The following ARHGAP22 variants were observed in gnomAD, a reference collection of about 807,000 sequenced individuals.
ARHGAP22 encodes the protein Rho GTPase activating protein 22.
A neutral mutation model predicts 59.1 loss-of-function variants in ARHGAP22; 48 were observed. The observed-to-expected ratio is 0.81, with a 90% CI of 0.64 to 1.03. The LOEUF is 1.03. ARHGAP22 is among the 50% of genes least tolerant of loss of function. The probability of loss-of-function intolerance (pLI) is 0.00; values close to 1 mark genes in which losing one functional copy is unlikely to be tolerated. For synonymous variants in ARHGAP22, 445 were observed against 416.4 expected, an observed-to-expected ratio of 1.07 and a Z score of -0.84; for missense variants, 1,015 against 958.7, an observed-to-expected ratio of 1.06 and a Z score of -0.78.
At chr10:48,485,241 C>T (rs923622416) in intron 3 of ARHGAP22, among the ~76,000 whole-genome samples, 1 of 152,046 alleles carries the variant, frequency 6.6e-6, no homozygotes, top group Non-Finnish European at 1.5e-5. Flanking sequence ...TTCCAGAGTT[C>T]AGTGCTATAA....
At chr10:48,582,640 T>G in intron 2 of ARHGAP22, 1 of 425,484 alleles carries the variant, frequency 2.4e-6, no homozygotes, top group Non-Finnish European at 4.3e-6. Flanking sequence ...TGTGCATGTA[T>G]GTCCTTCTTG....
At chr10:48,614,575 C>G (rs924932225) in intron 1 of ARHGAP22, among the ~76,000 whole-genome samples, 2 of 152,180 alleles carry the variant, frequency 1.3e-5, no homozygotes, top group African/African-American at 4.8e-5. Context: ...AATTCTGTCT[C>G]CTGTAGCAGC....
At chr10:48,624,545 C>G (rs183424052) in intron 1 of ARHGAP22, 2 of 152,296 alleles carry the variant, frequency 1.3e-5, no homozygotes, top group African/African-American at 4.8e-5. Flanking sequence ...GTTTTGGGCC[C>G]CATTTAAGCT....
At chr10:48,646,866 G>T (rs531226363) in intron 1 of ARHGAP22, among the ~76,000 whole-genome samples, 142 of 152,208 alleles carry the variant, frequency 9.3e-4, no homozygotes, top group African/African-American at 3.3e-3. Flanking sequence ...ATTCATAAAA[G>T]AAAAGATAGA....
At chr10:48,573,105 A>T (rs1223951357) in intron 2 of ARHGAP22, among the ~76,000 whole-genome samples, 1 of 152,180 alleles carries the variant, frequency 6.6e-6, no homozygotes, top group Non-Finnish European at 1.5e-5. Context: ...CAAACTGTTG[A>T]TCAAACTCAC....
intron 3 of ARHGAP22, chr10:48,493,290 G>T: frequency 2.2e-6 from 2 of 901,076 alleles, no homozygotes; most frequent in Non-Finnish European, 3.4e-6. Flanking sequence ...GAACCTCCCT[G>T]CTGTCCTCCC....
At chr10:48,579,102 A>AT (rs67283464) in intron 2 of ARHGAP22, among the ~76,000 whole-genome samples, 55,821 of 149,110 alleles carry the variant, frequency 0.37, 11,369 homozygotes, top group East Asian at 0.74. Context: ...CTTGTTTTTT[A>AT]TTTTTTTTTC....
chr10:48,473,614 A>G (rs1458814909), intron 4 of ARHGAP22, among the ~76,000 whole-genome samples: 9 of 152,186 alleles, frequency 5.9e-5, no homozygotes, highest in Admixed American at 5.9e-4. Context: ...TCTTATGACA[A>G]TCCTGCAAAA....
At chr10:48,501,854 T>C (rs934566485) in intron 3 of ARHGAP22, among the ~76,000 whole-genome samples, 31 of 152,250 alleles carry the variant, frequency 2.0e-4, no homozygotes, top group African/African-American at 6.7e-4. Context: ...TCTGCATGCC[T>C]ATTTCTGGAA....
chr10:48,632,060 C>T (rs965570034), intron 1 of ARHGAP22, among the ~76,000 whole-genome samples: 1 of 152,142 alleles, frequency 6.6e-6, no homozygotes, highest in Non-Finnish European at 1.5e-5. Flanking sequence ...GATTTCAGTG[C>T]ACCTGTCACT....
chr10:48,566,987 C>T (rs1412729334), intron 2 of ARHGAP22, among the ~76,000 whole-genome samples: 1 of 152,148 alleles, frequency 6.6e-6, no homozygotes, highest in Non-Finnish European at 1.5e-5. Context: ...AAGCTGGAAA[C>T]CCTGGTGGAG....
chr10:48,539,739 T>C (rs1294565704), intron 3 of ARHGAP22, among the ~76,000 whole-genome samples: 7 of 152,224 alleles, frequency 4.6e-5, no homozygotes, highest in Non-Finnish European at 1.5e-5. Flanking sequence ...TGATAATCAG[T>C]GTTGGTATTT....
At chr10:48,589,701 T>C (rs2059637846) in intron 1 of ARHGAP22, among the ~76,000 whole-genome samples, 1 of 152,204 alleles carries the variant, frequency 6.6e-6, no homozygotes, top group Non-Finnish European at 1.5e-5. Flanking sequence ...CTGCCTTCTT[T>C]TCATCTCCCC....
the ARHGAP22 span, chr10:48,435,052 GGA>G: frequency 1.6e-5 from 22 of 1,412,372 alleles, no homozygotes; most frequent in Non-Finnish European, 2.0e-5. Context: ...TCGGGGGGTG[GGA>G]GGGATGGGGA....
chr10:48,446,440 G>A lies in ARHGAP22; in HGVS notation c.2048C>T (p.Thr683Ile). The change falls in exon 10 of 10, where the codon ACC becomes ATC. Residue 683 changes from threonine (T) to isoleucine (I), a missense_variant. Thr to Ile is a moderately conservative substitution (Grantham distance 89). Coordinates refer to ENST00000249601, the MANE Select transcript of ARHGAP22 (RefSeq NM_021226.4). The stretch of plus-strand genomic sequence containing the variant: ...TGCCCCAACAGTCAAGCTTCCTAGG[G>A]TCGAAAAAAACTCCTCCATTTCCCT... ...LQREMEEFFS[T>I]LGSLTVGAKG... 1 of 1,614,036 alleles carries A rather than the reference G, an allele frequency of 6.2e-7. No homozygotes were observed. Among genetic ancestry groups the A allele is most frequent in the Middle Eastern group, 1.6e-4 (1 of 6,062 alleles).
intron 1 of ARHGAP22, among the ~76,000 whole-genome samples, chr10:48,632,704 G>A (rs1474417815): frequency 6.6e-6 from 1 of 152,158 alleles, no homozygotes; most frequent in African/African-American, 2.4e-5. Flanking sequence ...CACAAGACCA[G>A]CCTCACTTCC....
intron 4 of ARHGAP22, chr10:48,478,943 C>T (rs890087632): frequency 1.4e-4 from 22 of 152,750 alleles, no homozygotes; most frequent in African/African-American, 5.1e-4. Context: ...GACTCAGGTC[C>T]TGTGTGTCTC....
rs944185606 is a variant in ARHGAP22, at chr10:48,523,965, G to C, written c.322+31498C>G. The C allele has an allele frequency of 5.4e-5, 69 of 1,277,494 alleles. No individual in the cohort carries two copies. In the African/African-American group the frequency reaches 9.5e-4, roughly 18 times the overall value. 79.1% of individuals were successfully genotyped at this position (1,277,494 alleles called of 1,614,324 possible). On this transcript the variant is annotated intron_variant, in intron 3 of 9. Transcript: ENST00000249601. ...AGCTGAGGCAGGTGCGGGCGGCCCT[G>C]GACACCCCGTGGCGAGTCCCCGAGG...
intron 3 of ARHGAP22, among the ~76,000 whole-genome samples, chr10:48,519,509 A>G (rs2053607762): frequency 6.6e-6 from 1 of 152,246 alleles, no homozygotes. Context: ...GCCAGCCAGC[A>G]GGTGAGCTCA....
Sources: allele counts gnomAD v4.1 joint callset (sites outside exome capture counted in the v4.1 genomes callset), GRCh38; gene constraint gnomAD v4.1.1; transcripts MANE v1.5; gene names NCBI Gene and HGNC (gene_info 2026-07-23, HGNC 2026-07-21).